The following ENPP6 variants were observed in gnomAD, a reference collection of about 807,000 sequenced individuals.
ENPP6 encodes the protein ectonucleotide pyrophosphatase/phosphodiesterase 6.
In ENPP6, 32 loss-of-function variants were observed where a neutral mutation model predicts 42.0. The observed-to-expected ratio is 0.76, with a 90% CI of 0.58 to 1.02. The LOEUF (loss-of-function observed/expected upper bound fraction) is 1.02, where lower values mean the gene tolerates loss of function less well. Among genes scored for constraint, ENPP6 ranks in the 50% least tolerant of loss-of-function variants. ENPP6 has a pLI of 0.00. For missense variants in ENPP6, 552 were observed against 566.8 expected (o/e 0.97, Z 0.27); for synonymous variants, 213 against 216.0 (o/e 0.99, Z 0.12).
chr4:184,114,169 T>C (rs1346765340), intron 5 of ENPP6, among the ~76,000 whole-genome samples: 2 of 152,174 alleles, frequency 1.3e-5, no homozygotes, highest in Non-Finnish European at 2.9e-5. Context: ...TTTCGCCATG[T>C]TGGCCAGGCT....
At chr4:184,142,084 C>T (rs1386080178) in intron 2 of ENPP6, among the ~76,000 whole-genome samples, 3 of 152,224 alleles carry the variant, frequency 2.0e-5, no homozygotes, top group South Asian at 2.1e-4. Flanking sequence ...TGCCAGCCAT[C>T]GGGTCTAGCT....
rs182733029 is a variant in ENPP6, at chr4:184,170,761, C to A, written c.242-17028G>T. Among the ~76,000 whole-genome samples, 261 of 152,336 alleles carry A rather than the reference C, an allele frequency of 1.7e-3. 2 individuals are homozygous for A. Among genetic ancestry groups the A allele is most frequent in the Non-Finnish European group, 1.2e-3 (82 of 68,036 alleles). On this transcript the variant is annotated intron_variant, in intron 1 of 7. Coordinates refer to ENST00000296741, the MANE Select transcript of ENPP6 (RefSeq NM_153343.4). ...ACGTGGTGCCATGTACTTGCTCTCG[C>A]GTCACGCCATGTGGCTCGTGGTGTC...
Position 184,217,594 on chromosome 4 carries a change from A to G in ENPP6, c.226T>C (p.Tyr76His). ...DFPSLSYPNYYTLMTGRHCEV... is the reference protein window; with the variant it reads ...DFPSLSYPNYHTLMTGRHCEV... ...TGGTACTCACCAGTCATTAGGGTAT[A>G]ATAATTGGGATACGAGAGACTAGGG... The change falls in exon 1 of 8, where the codon TAT (tyrosine) becomes CAT (histidine). Residue 76 changes from tyrosine to histidine, a missense_variant. Tyr to His is a moderately conservative substitution (Grantham distance 83, BLOSUM62 2). This residue lies in a region of ENPP6 where 545 missense variants were observed against 546.3 expected (regional missense o/e 1.00). Coordinates refer to ENST00000296741, the MANE Select transcript of ENPP6 (RefSeq NM_153343.4). 6.2e-7 allele frequency: 1 copy of G among 1,614,226 alleles called. No individual in the cohort carries two copies. Among genetic ancestry groups the G allele is most frequent in the Admixed American group, 1.7e-5 (1 of 60,030 alleles).
intron 1 of ENPP6, among the ~76,000 whole-genome samples, chr4:184,198,196 C>G (rs1452348500): frequency 6.6e-6 from 1 of 152,238 alleles, no homozygotes; most frequent in African/African-American, 2.4e-5. Flanking sequence ...ATGGGGAACC[C>G]AAGGCTTCTG....
At chr4:184,136,773 T>G (rs1024971098) in intron 2 of ENPP6, among the ~76,000 whole-genome samples, 1 of 152,254 alleles carries the variant, frequency 6.6e-6, no homozygotes, top group African/African-American at 2.4e-5. Context: ...TCTCATTGTC[T>G]TTGGTTTTCA....
At chr4:184,144,983 G>A (rs1176398344) in intron 2 of ENPP6, among the ~76,000 whole-genome samples, 1 of 152,248 alleles carries the variant, frequency 6.6e-6, no homozygotes, top group Admixed American at 6.5e-5. Context: ...GAGGACAGAG[G>A]GCACTGAGGA....
At chr4:184,099,130 G>T (rs1393368885) in intron 6 of ENPP6, among the ~76,000 whole-genome samples, 1 of 152,240 alleles carries the variant, frequency 6.6e-6, no homozygotes, top group African/African-American at 2.4e-5. Flanking sequence ...CACAGCTAGT[G>T]CAAGGCAGGG....
intron 2 of ENPP6, among the ~76,000 whole-genome samples, chr4:184,139,872 C>T (rs1191129716): frequency 1.3e-5 from 1 of 76,072 alleles, no homozygotes; most frequent in Admixed American, 1.1e-4. Context: ...GGTATATATC[C>T]AGTAATGGGA....
intron 2 of ENPP6, among the ~76,000 whole-genome samples, chr4:184,127,428 A>G (rs1157659145): frequency 6.6e-6 from 1 of 152,242 alleles, no homozygotes; most frequent in Non-Finnish European, 1.5e-5. Flanking sequence ...AAAAAACAGT[A>G]TGAAGATGAG....
intron 1 of ENPP6, among the ~76,000 whole-genome samples, chr4:184,204,451 C>T (rs1418236437): frequency 2.6e-5 from 4 of 152,318 alleles, no homozygotes; most frequent in South Asian, 4.1e-4. Flanking sequence ...CCAGACCACT[C>T]GCACCTAGGC....
Position 184,104,748 on chromosome 4 carries a change from G to C in ENPP6, c.994-7380C>G, listed in dbSNP as rs115038334. Among the ~76,000 whole-genome samples the C allele has an allele frequency of 7.4e-3, 1,127 of 152,288 alleles. 15 individuals carry two copies. The highest frequency in any genetic ancestry group is 0.026 in the African/African-American group (1,069 of 41,540). On this transcript the variant is annotated intron_variant, in intron 6 of 7. Coordinates refer to ENST00000296741, the MANE Select transcript of ENPP6 (RefSeq NM_153343.4). ...GAACAATCTGTCAATAAGTAGTCAG[G>C]AATCAACTGTCTCAATATTTAATAA...
intron 6 of ENPP6, among the ~76,000 whole-genome samples, chr4:184,103,334 G>T (rs1350833295): frequency 6.6e-6 from 1 of 152,216 alleles, no homozygotes; most frequent in Non-Finnish European, 1.5e-5. Flanking sequence ...CATCACAACA[G>T]GTCTCCAGGG....
intron 1 of ENPP6, among the ~76,000 whole-genome samples, chr4:184,187,247 G>A (rs1321022417): frequency 6.6e-6 from 1 of 152,206 alleles, no homozygotes; most frequent in Non-Finnish European, 1.5e-5. Context: ...GAAAAGGCCT[G>A]CACCAGGAGC....
intron 5 of ENPP6, 80 bp downstream of exon 5, chr4:184,116,776 A>T: frequency 6.5e-7 from 1 of 1,534,310 alleles, no homozygotes. Context: ...AAACAAAAAA[A>T]CTACAAGGAA....
chr4:184,129,327 C>CACACA (rs1736558060), intron 2 of ENPP6, among the ~76,000 whole-genome samples: 2 of 143,626 alleles, frequency 1.4e-5, no homozygotes, highest in African/African-American at 2.6e-5. Context: ...CACACACACA[C>CACACA]CAGAAACAAA....
chr4:184,145,229 C>T (rs542739869), intron 2 of ENPP6, among the ~76,000 whole-genome samples: 7 of 152,228 alleles, frequency 4.6e-5, no homozygotes, highest in Non-Finnish European at 1.0e-4. Context: ...CAGTCCTTCC[C>T]GAGTCCCTTC....
At chr4:184,156,892 T>C (rs1737168730) in intron 1 of ENPP6, among the ~76,000 whole-genome samples, 1 of 152,246 alleles carries the variant, frequency 6.6e-6, no homozygotes, top group Non-Finnish European at 1.5e-5. Context: ...GTTATATGTT[T>C]CATCTCAGAA....
At chr4:184,179,177 G>A (rs1461216388) in intron 1 of ENPP6, among the ~76,000 whole-genome samples, 1 of 152,118 alleles carries the variant, frequency 6.6e-6, no homozygotes, top group Non-Finnish European at 1.5e-5. Flanking sequence ...AGAGATGGAG[G>A]AAAATTTACC....
Position 184,152,215 on chromosome 4 carries a change from C to T in ENPP6, c.421+1339G>A, listed in dbSNP as rs567220195. The stretch of plus-strand genomic sequence containing the variant: ...CACAGCTGGGTGGTGGGCTGCCCTC[C>T]GCGGTCTCCGTGTGTCTGTGTTCCA... On this transcript the variant is annotated intron_variant, in intron 2 of 7. Coordinates refer to ENST00000296741, the MANE Select transcript of ENPP6 (RefSeq NM_153343.4). Among the ~76,000 whole-genome samples the T allele has an allele frequency of 8.5e-5, 13 of 152,330 alleles. No homozygotes were observed. The East Asian group carries it at 2.3e-3, about 27-fold the overall frequency.
Sources: gnomAD v4.1 joint callset for allele counts (sites outside exome capture counted in the v4.1 genomes callset) on GRCh38, gnomAD v4.1.1 for gene constraint, gnomAD v4.1.1 regional missense constraint, MANE v1.5 for transcripts, NCBI Gene and HGNC (gene_info 2026-07-23, HGNC 2026-07-21) for gene names.